The following TRIM2 variants were observed in gnomAD, a reference collection of about 807,000 sequenced individuals.
TRIM2 encodes tripartite motif containing 2, also known as tripartite motif-containing protein 2.
TRIM2 carries 20 observed loss-of-function variants against 75.2 expected under a neutral mutation model. That is an observed-to-expected ratio of 0.27 (90% CI 0.19 to 0.39). TRIM2 has a LOEUF of 0.39. TRIM2 is among the 10% of genes least tolerant of loss of function. The pLI is 1.00. For synonymous variants in TRIM2, 373 were observed against 388.3 expected, an observed-to-expected ratio of 0.96 and a Z score of 0.46; for missense variants, 660 against 990.8, an observed-to-expected ratio of 0.67 and a Z score of 4.48.
chr4:153,187,784 C>T (rs922671307), intron 1 of TRIM2, among the ~76,000 whole-genome samples: 2 of 152,106 alleles, frequency 1.3e-5, no homozygotes, highest in African/African-American at 2.4e-5. Flanking sequence ...AGAAAAATGG[C>T]GGCCGCATCA....
chr4:153,308,167 C>T, intron 6 of TRIM2: 1 of 1,308,608 alleles, frequency 7.6e-7, no homozygotes, highest in South Asian at 1.2e-5. Flanking sequence ...ACCCCAGCGT[C>T]ATAGAGATCC....
chr4:153,165,716 C>G (rs1730230802), intron 1 of TRIM2, among the ~76,000 whole-genome samples: 1 of 152,176 alleles, frequency 6.6e-6, no homozygotes, highest in Admixed American at 6.5e-5. Flanking sequence ...GTACCACTCT[C>G]CACTATGCCC....
At chr4:153,323,745 A>T (rs28490454) in intron 9 of TRIM2, among the ~76,000 whole-genome samples, 3,888 of 152,232 alleles carry the variant, frequency 0.026, 103 homozygotes, top group East Asian at 0.076. Context: ...TGACTAACAG[A>T]TACTCAGGGA....
At chr4:153,233,734 T>C (rs1053315240) in intron 1 of TRIM2, among the ~76,000 whole-genome samples, 1 of 152,186 alleles carries the variant, frequency 6.6e-6, no homozygotes, top group African/African-American at 2.4e-5. Flanking sequence ...ATTTCCTCTC[T>C]TCCTATGAAG....
rs1365992205 is a variant in TRIM2 at position 153,275,981 on chromosome 4, G to A, written c.304G>A (p.Ala102Thr). ...QTSILPEKGV[A>T]ALQNNFFITN... ...CTCCATCCTGCCCGAGAAAGGGGTG[G>A]CCGCGCTCCAGAACAATTTCTTCAT... Residue 102 changes from alanine (A) to threonine (T), a missense_variant, in exon 3 of 12, where the codon GCC (alanine) becomes ACC (threonine). By Grantham distance (58) the Ala-to-Thr change is moderately conservative. This residue lies in a region of TRIM2 where 620 missense variants were observed against 891.0 expected (regional missense o/e 0.70). Transcript: ENST00000338700. 1 of 1,614,058 alleles carries A rather than the reference G, an allele frequency of 6.2e-7. No homozygotes were observed. The highest frequency in any genetic ancestry group is 8.5e-7 in the Non-Finnish European group (1 of 1,180,040).
chr4:153,263,069 G>A (rs575767310), intron 1 of TRIM2, among the ~76,000 whole-genome samples: 10 of 152,256 alleles, frequency 6.6e-5, no homozygotes, highest in Admixed American at 3.3e-4. Context: ...GGTGGTTCAC[G>A]CCTGTAATCC....
chr4:153,250,663 C>G (rs1258185322), intron 1 of TRIM2, among the ~76,000 whole-genome samples: 1 of 152,124 alleles, frequency 6.6e-6, no homozygotes, highest in Non-Finnish European at 1.5e-5. Flanking sequence ...AAGGATAGAG[C>G]CTGGAGCAAG....
upstream of TRIM2, chr4:153,204,404 CTAGCTGTTTATA>C (rs1734818286): frequency 9.3e-7 from 1 of 1,075,522 alleles, no homozygotes; most frequent in East Asian, 2.6e-5. Flanking sequence ...CTTGTGCTGA[CTAGCTGTTTATA>C]TTTTAGTAAG....
At chr4:153,285,191 G>A (rs1302807668) in intron 3 of TRIM2, among the ~76,000 whole-genome samples, 1 of 152,112 alleles carries the variant, frequency 6.6e-6, no homozygotes, top group Non-Finnish European at 1.5e-5. Flanking sequence ...TGTTGAAAAG[G>A]CAATTTTTCC....
chr4:153,273,332 G>C (rs1757259705), intron 2 of TRIM2, among the ~76,000 whole-genome samples: 1 of 132,768 alleles, frequency 7.5e-6, no homozygotes, highest in Non-Finnish European at 1.6e-5. Context: ...CTGGAGTGCC[G>C]TGGCGCGATC....
intron 1 of TRIM2, among the ~76,000 whole-genome samples, chr4:153,256,032 G>C (rs1274863003): frequency 6.6e-6 from 1 of 152,128 alleles, no homozygotes; most frequent in Non-Finnish European, 1.5e-5. Context: ...TTCCAAAATT[G>C]GCTGTGGTAA....
At chr4:153,203,870 C>A (rs534818357), upstream of TRIM2, among the ~76,000 whole-genome samples, 3 of 151,874 alleles carry the variant, frequency 2.0e-5, no homozygotes, top group Admixed American at 6.6e-5. Context: ...CCGGCCTGGG[C>A]AACAGAGCGA....
chr4:153,298,169 A>G (rs140422784), intron 6 of TRIM2, among the ~76,000 whole-genome samples: 1 of 152,344 alleles, frequency 6.6e-6, no homozygotes, highest in East Asian at 1.9e-4. Flanking sequence ...ATGTGTAAAC[A>G]TTTGTGAAGA....
At chr4:153,219,449 C>T (rs917246446) in intron 1 of TRIM2, among the ~76,000 whole-genome samples, 2 of 152,146 alleles carry the variant, frequency 1.3e-5, no homozygotes, top group African/African-American at 4.8e-5. Flanking sequence ...AAAAGAATTC[C>T]ACCTTTTCAT....
intron 1 of TRIM2, among the ~76,000 whole-genome samples, chr4:153,243,418 G>C (rs6811617): frequency 6.6e-6 from 1 of 152,208 alleles, no homozygotes; most frequent in African/African-American, 2.4e-5. Context: ...CTTGACTGTG[G>C]GCTTTGCTTC....
At position 153,163,492 on chromosome 4, in the gene TRIM2, C is replaced by CAT. The variant is rs1456043319; in HGVS notation, c.-49+10223_-49+10224dup. On this transcript the variant is annotated intron_variant, in intron 1 of 11. Coordinates refer to the TRIM2 transcript ENST00000437508. ...AACCACTGCACCCAACCTAGATTTA[C>CAT]ATCTTTTTTTTTTTTTTTTTTTTTT... 5.7e-3 allele frequency among the ~76,000 whole-genome samples: 573 copies of CAT among 101,142 alleles called. 24 individuals are homozygous for CAT. Among genetic ancestry groups the CAT allele is most frequent in the South Asian group, 0.014 (36 of 2,610 alleles). The allele number at this position is 101,142 out of a possible 152,430, so 66.4% of individuals were successfully genotyped here. A position where few individuals can be genotyped will look rare whatever the true frequency, so the allele number is the denominator to read the frequency against.
At chr4:153,323,407 T>C (rs1769431855) in intron 9 of TRIM2, among the ~76,000 whole-genome samples, 1 of 152,262 alleles carries the variant, frequency 6.6e-6, no homozygotes, top group African/African-American at 2.4e-5. Flanking sequence ...AATATTTGTT[T>C]ATGCTTTGTC....
rs932714910 is a variant in TRIM2, at chr4:153,295,028, A to T, written c.787-285A>T. ...TGTCAGGCATAGCAATTAATTTGCT[A>T]TGCTCTTGGTAGTGACCTTTCTGTT... is the stretch of plus-strand genomic sequence containing the variant. On this transcript the variant is annotated intron_variant, in intron 5 of 11. Transcript: ENST00000338700. This position sits in a 1 kb window ranked among gnomAD's most constrained non-coding sequence, Gnocchi z 7.2. Among the ~76,000 whole-genome samples, 1 of 152,238 alleles carries T rather than the reference A, an allele frequency of 6.6e-6. No homozygotes were observed. The highest frequency in any genetic ancestry group is 1.5e-5 in the Non-Finnish European group (1 of 68,044).
In TRIM2 at chr4:153,338,874, G is replaced by A; in HGVS notation, c.*3908G>A. ...GACATGGGAATGTTCTGTCATCAAT[G>A]GAGTGTATTCTTGTAATAGAATTCT... is the stretch of plus-strand genomic sequence containing the variant. On this transcript the variant is annotated 3_prime_UTR_variant, in exon 12 of 12. Coordinates refer to ENST00000338700, the MANE Select transcript of TRIM2 (RefSeq NM_015271.5). 1 of 985,508 alleles carries A rather than the reference G, an allele frequency of 1.0e-6. No individual in the cohort carries two copies. Among genetic ancestry groups the A allele is most frequent in the South Asian group, 4.7e-5 (1 of 21,264 alleles). 61.0% of individuals were successfully genotyped at this position (985,508 alleles called of 1,614,324 possible).
Sources: gnomAD v4.1 joint callset for allele counts (sites outside exome capture counted in the v4.1 genomes callset) on GRCh38, gnomAD v4.1.1 for gene constraint, gnomAD v4.1.1 regional missense constraint, Gnocchi (gnomAD v3.1) non-coding constraint, MANE v1.5 for transcripts, NCBI Gene and HGNC (gene_info 2026-07-23, HGNC 2026-07-21) for gene names.